Variants in SYNJ2 observed in about 807,000 individuals in gnomAD.
SYNJ2 encodes the protein polyphosphatidylinositol phosphatase SYNJ2.
SYNJ2 carries 116 observed loss-of-function variants against 141.3 expected under a neutral mutation model. The ratio of observed to expected loss-of-function variants is 0.82; its 90% CI spans 0.71 to 0.96. The LOEUF is 0.96. Ranked by LOEUF, SYNJ2 falls within the 40% of genes least tolerant of loss-of-function variation. The pLI, the probability that SYNJ2 is intolerant of heterozygous loss-of-function variation, is 0.00. For missense variants in SYNJ2, 1,873 were observed against 1,934.8 expected, an observed-to-expected ratio of 0.97 and a Z score of 0.60; for synonymous variants, 745 against 777.7, an observed-to-expected ratio of 0.96 and a Z score of 0.70.
chr6:158,031,407 T>C (rs1779353644), intron 3 of SYNJ2, among the ~76,000 whole-genome samples: 1 of 152,144 alleles, frequency 6.6e-6, no homozygotes, highest in African/African-American at 2.4e-5. Context: ...AGGTGGAGGC[T>C]GAGAGGAGCT....
At chr6:158,062,281 C>G in intron 8 of SYNJ2, 117 bp downstream of exon 8, 1 of 1,488,398 alleles carries the variant, frequency 6.7e-7, no homozygotes, top group Non-Finnish European at 9.0e-7. Context: ...GCCGTGCAGT[C>G]TAGGACATGT....
intron 1 of SYNJ2, among the ~76,000 whole-genome samples, chr6:157,998,037 C>T (rs1011896656): frequency 1.3e-5 from 2 of 152,250 alleles, no homozygotes; most frequent in Non-Finnish European, 2.9e-5. Flanking sequence ...CTGCTCTATT[C>T]AACTGGATAT....
At chr6:158,035,598 A>G (rs1779596638) in intron 4 of SYNJ2, among the ~76,000 whole-genome samples, 1 of 152,182 alleles carries the variant, frequency 6.6e-6, no homozygotes, top group African/African-American at 2.4e-5. Context: ...TTGATTGCAA[A>G]CAGGGATAGT....
rs188272715 is a variant in SYNJ2, at chr6:158,084,399, G to C, written c.3208+225G>C. On this transcript the variant is annotated intron_variant, in intron 22 of 26. Coordinates refer to ENST00000355585, the MANE Select transcript of SYNJ2 (RefSeq NM_003898.4). This position sits in a 1 kb window ranked among gnomAD's most constrained non-coding sequence, Gnocchi z 5.0. ...TTAGTTTATTTTTTTACAATAACTT[G>C]TACCCCCATAACACACCAGATTCAA... 1.1e-3 allele frequency among the ~76,000 whole-genome samples: 169 copies of C among 152,192 alleles called. 1 individual carries two copies. The highest frequency in any genetic ancestry group is 2.2e-3 in the Admixed American group (33 of 15,286).
chr6:158,084,164 A>G lies in SYNJ2; in HGVS notation c.3198A>G (p.Pro1066=). 1 of 1,613,978 alleles carries G rather than the reference A, an allele frequency of 6.2e-7. No homozygotes were observed. The highest frequency in any genetic ancestry group is 8.5e-7 in the Non-Finnish European group (1 of 1,179,938). The change falls in exon 22 of 27, where the codon CCA becomes CCG. Residue 1066 remains proline (P), a synonymous_variant. Coordinates refer to ENST00000355585, the MANE Select transcript of SYNJ2 (RefSeq NM_003898.4). This position sits in a 1 kb window ranked among gnomAD's most constrained non-coding sequence, Gnocchi z 5.0. ...CTCTCACCAAAAAGAAGCAGCATCC[A>G]ACGTACAAAGGTAGCCTGACCCTTC... is the stretch of plus-strand genomic sequence containing the variant. ...SPALTKKKQH[P]TYKDDADLVE...
In SYNJ2 at chr6:157,993,790, T is replaced by C. The variant is rs867778157; in HGVS notation, c.127+11702T>C. Reference sequence around the variant, plus strand: ...AGGCGGGAGTTTGTGTGTCTGGAAATGTGTGGGTTTTTTTTTTTTTTTTTT... The same window carrying C: ...AGGCGGGAGTTTGTGTGTCTGGAAACGTGTGGGTTTTTTTTTTTTTTTTTT... On this transcript the variant is annotated intron_variant, in intron 1 of 26. Transcript: ENST00000355585. Among the ~76,000 whole-genome samples, 7 of 122,514 alleles carry C rather than the reference T, an allele frequency of 5.7e-5. No homozygotes were observed. In the South Asian group the frequency reaches 1.9e-3, roughly 33 times the overall value. The allele number at this position is 122,514 out of a possible 152,430, so 80.4% of individuals were successfully genotyped here. A position where few individuals can be genotyped will look rare whatever the true frequency, so the allele number is the denominator to read the frequency against.
At position 158,033,594 on chromosome 6, in the gene SYNJ2, G is replaced by A. The variant is rs759832201; in HGVS notation, c.625G>A (p.Val209Ile). ...KQAKACLVSR[V>I]SCERTGTRFH... Reference sequence around the variant, plus strand: ...GGCCAAGGCCTGCCTCGTCTCTCGCGTTAGCTGTGAGCGCACAGGCACTCG... The same window carrying A: ...GGCCAAGGCCTGCCTCGTCTCTCGCATTAGCTGTGAGCGCACAGGCACTCG... Residue 209 changes from valine to isoleucine, a missense_variant, in exon 4 of 27, where the codon GTT (valine) becomes ATT (isoleucine). Physicochemically the swap from Val to Ile is conservative, Grantham distance 29. Transcript: ENST00000355585. 1.4e-5 allele frequency: 23 copies of A among 1,613,844 alleles called. No homozygotes were observed. The highest frequency in any genetic ancestry group is 3.3e-4 in the Middle Eastern group (2 of 6,084).
rs1308555616 is a variant in SYNJ2 at position 158,095,860 on chromosome 6, G to T, written c.3987G>T (p.Val1329=). 1.2e-6 allele frequency: 2 copies of T among 1,614,012 alleles called. No individual in the cohort carries two copies. The highest frequency in any genetic ancestry group is 1.7e-6 in the Non-Finnish European group (2 of 1,180,014). Residue 1329 remains valine (V), a synonymous_variant, in exon 27 of 27, where the codon GTG becomes GTT. Transcript: ENST00000355585. ...CACCTCTGGAGGCGCCGCCTCTTGT[G>T]CCCAAGGTACCCCCGAGGAGGAAGA... ...VPPPLEAPPL[V]PKVPPRRKKS...
intron 5 of SYNJ2, among the ~76,000 whole-genome samples, chr6:158,047,328 G>T (rs1006455687): frequency 6.6e-6 from 1 of 152,104 alleles, no homozygotes; most frequent in African/African-American, 2.4e-5. Context: ...TTGAAGCGAC[G>T]CAGACCTGGG....
chr6:158,038,846 A>G (rs7757443), intron 4 of SYNJ2, among the ~76,000 whole-genome samples: 56,539 of 152,082 alleles, frequency 0.37, 10,769 homozygotes, highest in Middle Eastern at 0.49. Context: ...AGCACAGCAG[A>G]GCCAGGGCAG....
At chr6:158,029,394 CAAA>C (rs59043421) in intron 3 of SYNJ2, 7 of 92,624 alleles carry the variant, frequency 7.6e-5, no homozygotes, top group Admixed American at 1.3e-4. Flanking sequence ...ACTAAAAATA[CAAA>C]AAAAAAAAAA....
chr6:158,023,908 G>A (rs181786880), intron 2 of SYNJ2, among the ~76,000 whole-genome samples: 39 of 152,302 alleles, frequency 2.6e-4, no homozygotes, highest in African/African-American at 8.7e-4. Flanking sequence ...ATTTCTTAGC[G>A]CTAACTCAGA....
intron 5 of SYNJ2, among the ~76,000 whole-genome samples, chr6:158,046,441 C>A (rs1780241780): frequency 6.6e-6 from 1 of 152,232 alleles, no homozygotes; most frequent in Non-Finnish European, 1.5e-5. Flanking sequence ...CTTCAACTGT[C>A]ACTATCAAGC....
intron 7 of SYNJ2, among the ~76,000 whole-genome samples, chr6:158,061,198 T>G (rs1411731236): frequency 6.6e-6 from 1 of 152,232 alleles, no homozygotes; most frequent in African/African-American, 2.4e-5. Context: ...CACTAGGACC[T>G]CTGGCTGGGC....
At position 158,051,959 on chromosome 6, in the gene SYNJ2, G is replaced by GA. The variant is rs112721746; in HGVS notation, c.796-2998dup. Among the ~76,000 whole-genome samples the GA allele has an allele frequency of 7.2e-3, 972 of 134,630 alleles. 6 individuals carry two copies. Among genetic ancestry groups the GA allele is most frequent in the African/African-American group, 0.021 (753 of 36,726 alleles). The allele number at this position is 134,630 out of a possible 152,430, so 88.3% of individuals were successfully genotyped here. A position where few individuals can be genotyped will look rare whatever the true frequency, so the allele number is the denominator to read the frequency against. On this transcript the variant is annotated intron_variant, in intron 5 of 26. Coordinates refer to ENST00000355585, the MANE Select transcript of SYNJ2 (RefSeq NM_003898.4). ...CAACAGAGTAAGACCCTGTCTCAAA[G>GA]AAAAAAAAAAGAAGAAGAAGAATAA...
chr6:158,081,414 GAGT>G lies in SYNJ2; in HGVS notation c.2787-16_2787-14del. On this transcript the variant is annotated splice_polypyrimidine_tract_variant and intron_variant, in intron 19 of 26. Transcript: ENST00000355585. ...CCAGGTCGTTCTTGGCATTGACTTG[GAGT>G]ATCATTTATTCCAGGATCAACCAAG... 1 of 1,613,874 alleles carries G rather than the reference GAGT, an allele frequency of 6.2e-7. No homozygotes were observed. Among genetic ancestry groups the G allele is most frequent in the African/African-American group, 1.3e-5 (1 of 74,946 alleles).
chr6:158,049,024 G>T (rs1780409953), intron 5 of SYNJ2, among the ~76,000 whole-genome samples: 1 of 152,160 alleles, frequency 6.6e-6, no homozygotes, highest in African/African-American at 2.4e-5. Flanking sequence ...TCTGGTAGGA[G>T]TGGTGGGGTG....
At chr6:157,990,822 G>A (rs1050578232) in intron 1 of SYNJ2, among the ~76,000 whole-genome samples, 5 of 152,046 alleles carry the variant, frequency 3.3e-5, no homozygotes, top group East Asian at 1.9e-4. Context: ...CCCTTTCCTC[G>A]GCTCTGAACC....
intron 1 of SYNJ2, among the ~76,000 whole-genome samples, chr6:157,987,371 C>T (rs1010656718): frequency 1.3e-5 from 2 of 152,088 alleles, no homozygotes; most frequent in African/African-American, 2.4e-5. Context: ...AGATGATTAA[C>T]GTAGTCATCA....
Sources: allele counts gnomAD v4.1 joint callset (sites outside exome capture counted in the v4.1 genomes callset), GRCh38; gene constraint gnomAD v4.1.1; non-coding constraint Gnocchi (gnomAD v3.1); transcripts MANE v1.5; gene names NCBI Gene and HGNC (gene_info 2026-07-23, HGNC 2026-07-21).